Variants in CDC16 observed in about 807,000 individuals in gnomAD.
CDC16 encodes cell division cycle protein 16 homolog.
In CDC16, 34 loss-of-function variants were observed where a neutral mutation model predicts 87.0. The ratio of observed to expected loss-of-function variants is 0.39; its 90% CI spans 0.30 to 0.52. The LOEUF (loss-of-function observed/expected upper bound fraction) is 0.52. CDC16 is among the 20% of genes least tolerant of loss of function. The pLI, the probability that CDC16 is intolerant of heterozygous loss-of-function variation, is 0.74. For missense variants in CDC16, 653 were observed against 751.9 expected (o/e 0.87, Z 1.54); for synonymous variants, 263 against 260.6 (o/e 1.01, Z -0.09).
At position 114,259,404 on chromosome 13, in the gene CDC16, CT is replaced by C. The variant is rs747747019; in HGVS notation, c.1314+9del. ...TTAAAGCAATTGGGAACGAGGTATT[CT>C]TTGTAGTACCTGTAAATATACACAT... On this transcript the variant is annotated splice_region_variant and intron_variant, in intron 14 of 17. Coordinates refer to ENST00000356221, the MANE Select transcript of CDC16 (RefSeq NM_001078645.3). The C allele has an allele frequency of 3.3e-5, 50 of 1,520,512 alleles. No individual in the cohort carries two copies. Among genetic ancestry groups the C allele is most frequent in the Non-Finnish European group, 4.0e-5 (45 of 1,130,340 alleles). 94.2% of individuals were successfully genotyped at this position (1,520,512 alleles called of 1,614,324 possible). A position where few individuals can be genotyped will look rare whatever the true frequency, so the allele number is the denominator to read the frequency against.
chr13:114,235,105 G>A lies in CDC16; in HGVS notation c.21G>A (p.Arg7=). The change falls in exon 1 of 18, where the codon CGG becomes CGA. Residue 7 remains arginine, a synonymous_variant. Coordinates refer to ENST00000356221, the MANE Select transcript of CDC16 (RefSeq NM_001078645.3). ...CCGCCATGAACCTAGAGCGGCTGCG[G>A]AAGCGCGTCCGGCAGTACCTCGACC... The part of the protein sequence containing the change: MNLERL[R]KRVRQYLDQQ... 8.0e-7 allele frequency: 1 copy of A among 1,246,438 alleles called. No homozygotes were observed. Among genetic ancestry groups the A allele is most frequent in the Non-Finnish European group, 1.0e-6 (1 of 995,828 alleles). The allele number at this position is 1,246,438 out of a possible 1,614,324, so 77.2% of individuals were successfully genotyped here.
chr13:114,257,035 A>T (rs775017204), intron 12 of CDC16, 43 bp from the exon 13 acceptor site: 17 of 1,342,570 alleles, frequency 1.3e-5, no homozygotes, highest in Non-Finnish European at 1.8e-5. Context: ...CTGCTAAATC[A>T]CAGTTTTTGG....
Position 114,272,546 on chromosome 13 carries a change from C to A in CDC16, c.*103C>A. On this transcript the variant is annotated 3_prime_UTR_variant, in exon 18 of 18. Transcript: ENST00000356221. ...TCCCACTTCCTAACGTGACTCCAAACTGCATCTCTACATTTAGGAACAGAG... is the reference window on the plus strand; with the variant it reads ...TCCCACTTCCTAACGTGACTCCAAAATGCATCTCTACATTTAGGAACAGAG... 1.0e-6 allele frequency: 1 copy of A among 980,150 alleles called. No individual in the cohort carries two copies. Among genetic ancestry groups the A allele is most frequent in the African/African-American group, 1.6e-5 (1 of 61,710 alleles). The allele number at this position is 980,150 out of a possible 1,614,324, so 60.7% of individuals were successfully genotyped here. A position where few individuals can be genotyped will look rare whatever the true frequency, so the allele number is the denominator to read the frequency against.
chr13:114,263,856 T>C (rs2083015403), intron 16 of CDC16, among the ~76,000 whole-genome samples: 1 of 152,232 alleles, frequency 6.6e-6, no homozygotes, highest in Admixed American at 6.5e-5. Context: ...TAGTCTGTGC[T>C]GCCAACATAA....
intron 1 of CDC16, among the ~76,000 whole-genome samples, chr13:114,235,532 A>T (rs1432158849): frequency 1.3e-5 from 2 of 152,228 alleles, no homozygotes; most frequent in Admixed American, 6.5e-5. Context: ...AATTTAAGTG[A>T]ATAAAGATGT....
At chr13:114,269,774 G>A (rs1594702861) in intron 17 of CDC16, among the ~76,000 whole-genome samples, 1 of 152,196 alleles carries the variant, frequency 6.6e-6, no homozygotes, top group African/African-American at 2.4e-5. Flanking sequence ...GCGCCATCTC[G>A]GCTTACTGCA....
intron 9 of CDC16, chr13:114,245,651 T>C (rs947981216): frequency 9.7e-6 from 2 of 205,242 alleles, no homozygotes; most frequent in African/African-American, 4.7e-5. Context: ...ATTGATCTGA[T>C]AAACTTGAAA....
At chr13:114,245,960 G>C in intron 9 of CDC16, 40 bp from the exon 10 acceptor site, 2 of 1,107,862 alleles carry the variant, frequency 1.8e-6, no homozygotes. Flanking sequence ...AATTACATGT[G>C]ATACGAACAA....
At chr13:114,259,009 G>C (rs968113993) in intron 13 of CDC16, among the ~76,000 whole-genome samples, 6 of 147,828 alleles carry the variant, frequency 4.1e-5, no homozygotes, top group Non-Finnish European at 8.9e-5. Context: ...TGAGGCACAA[G>C]AATCACTTAA....
chr13:114,261,701 T>C, intron 14 of CDC16, among the ~76,000 whole-genome samples, 186 bp from the exon 15 acceptor site: 1 of 152,152 alleles, frequency 6.6e-6, no homozygotes, highest in East Asian at 1.9e-4. Flanking sequence ...AACAGAGTCC[T>C]CAGGAAGTCT....
chr13:114,268,033 C>T (rs934793401), intron 17 of CDC16, among the ~76,000 whole-genome samples: 7 of 152,250 alleles, frequency 4.6e-5, no homozygotes, highest in African/African-American at 1.7e-4. Context: ...GGCTTCCACA[C>T]GGAAACCTTT....
At chr13:114,245,976 C>T in intron 9 of CDC16, 24 bp from the exon 10 acceptor site, 6 of 1,372,002 alleles carry the variant, frequency 4.4e-6, no homozygotes, top group Non-Finnish European at 6.1e-6. Context: ...AACAATTGTT[C>T]TTTTTCTGCT....
intron 17 of CDC16, among the ~76,000 whole-genome samples, chr13:114,269,062 A>AT (rs1449944774): frequency 5.9e-5 from 9 of 152,100 alleles, no homozygotes; most frequent in Middle Eastern, 3.4e-3. Flanking sequence ...ACAACGTGTT[A>AT]TTTTTACAAT....
chr13:114,253,858 CTTAT>C (rs1481899217), intron 12 of CDC16, among the ~76,000 whole-genome samples: 4 of 152,074 alleles, frequency 2.6e-5, no homozygotes, highest in Admixed American at 1.3e-4. Flanking sequence ...TGATCTTCTA[CTTAT>C]TTATTCTCTG....
At position 114,236,906 on chromosome 13, in the gene CDC16, G is replaced by A; in HGVS notation, c.201+10G>A. On this transcript the variant is annotated intron_variant, in intron 3 of 17. Transcript: ENST00000356221. ...ACGAAAACTGGACAAAGTAAGTGAT[G>A]GTATGAACTTTAAAGCTCTTCAGAG... is the stretch of plus-strand genomic sequence containing the variant. 1 of 1,539,250 alleles carries A rather than the reference G, an allele frequency of 6.5e-7. No individual in the cohort carries two copies.
At chr13:114,237,211 A>G (rs1275990661) in intron 3 of CDC16, among the ~76,000 whole-genome samples, 3 of 151,714 alleles carry the variant, frequency 2.0e-5, no homozygotes, top group African/African-American at 7.3e-5. Flanking sequence ...CAACAGAGCA[A>G]GACTCTGTCT....
Position 114,242,113 on chromosome 13 carries a change from T to C in CDC16, c.382-8T>C, listed in dbSNP as rs1445425483. ...GACTTAATATGTGACTCATCATTTT[T>C]CCAACAGATAAAGAGTTCTATCTGT... On this transcript the variant is annotated splice_polypyrimidine_tract_variant and splice_region_variant and intron_variant, in intron 5 of 17. Coordinates refer to ENST00000356221, the MANE Select transcript of CDC16 (RefSeq NM_001078645.3). 3.1e-6 allele frequency: 5 copies of C among 1,589,354 alleles called. No individual in the cohort carries two copies. Among genetic ancestry groups the C allele is most frequent in the South Asian group, 1.2e-5 (1 of 86,306 alleles).
In CDC16 at chr13:114,234,974, G is replaced by GGGCGGT. The variant is rs2081164980; in HGVS notation, c.-106_-105insTGGCGG. 2.6e-6 allele frequency: 2 copies of GGGCGGT among 778,538 alleles called. No homozygotes were observed. The highest frequency in any genetic ancestry group is 1.9e-5 in the African/African-American group (1 of 52,128). 48.2% of individuals were successfully genotyped at this position (778,538 alleles called of 1,614,324 possible). ...TCGAGTCCGCGGCCTTCGAGTCCTG[G>GGGCGGT]GGCGGCGGCGGCGGCTGCAGGCACG... On this transcript the variant is annotated 5_prime_UTR_variant, in exon 1 of 18. Coordinates refer to ENST00000356221, the MANE Select transcript of CDC16 (RefSeq NM_001078645.3).
chr13:114,257,412 C>A (rs938928454), intron 13 of CDC16, among the ~76,000 whole-genome samples, 182 bp downstream of exon 13: 6 of 152,138 alleles, frequency 3.9e-5, no homozygotes, highest in African/African-American at 7.2e-5. Context: ...CTTAAAAATT[C>A]TAAACCCAGG....
Sources: allele counts gnomAD v4.1 joint callset (sites outside exome capture counted in the v4.1 genomes callset), GRCh38; gene constraint gnomAD v4.1.1; transcripts MANE v1.5; gene names NCBI Gene and HGNC (gene_info 2026-07-23, HGNC 2026-07-21).